The following ARHGAP15 variants were observed in gnomAD, a reference collection of about 807,000 sequenced individuals.
ARHGAP15 encodes rho GTPase-activating protein 15.
Under a neutral mutation model 63.7 loss-of-function variants are expected in ARHGAP15, and 51 were observed. The ratio of observed to expected loss-of-function variants is 0.80; its 90% CI spans 0.64 to 1.01. ARHGAP15 has a LOEUF of 1.01. Ranked by LOEUF, ARHGAP15 falls within the 50% of genes least tolerant of loss-of-function variation. The pLI, the probability that ARHGAP15 is intolerant of heterozygous loss-of-function variation, is 0.00. For synonymous variants in ARHGAP15, 191 were observed against 193.8 expected (o/e 0.99, Z 0.12); for missense variants, 560 against 564.6 (o/e 0.99, Z 0.08).
At chr2:143,671,490 G>T (rs1292208030) in intron 12 of ARHGAP15, among the ~76,000 whole-genome samples, 1 of 152,094 alleles carries the variant, frequency 6.6e-6, no homozygotes, top group East Asian at 1.9e-4. Context: ...CATCTTTATG[G>T]ACATCTTAGA....
At chr2:143,195,067 A>G (rs16858788) in intron 2 of ARHGAP15, among the ~76,000 whole-genome samples, 1 of 152,020 alleles carries the variant, frequency 6.6e-6, no homozygotes, top group Non-Finnish European at 1.5e-5. Flanking sequence ...ACACTTTTTT[A>G]AAAATCTGAT....
At position 143,330,133 on chromosome 2, in the gene ARHGAP15, C is replaced by CAAAA. The variant is rs1558898102; in HGVS notation, c.474+79535_474+79538dup. The stretch of plus-strand genomic sequence containing the variant: ...AAAAAAAAAAAAAAAAAAAAAAAAC[C>CAAAA]AAAAACAAAAAACTAAACTAATGAT... On this transcript the variant is annotated intron_variant, in intron 6 of 13. Transcript: ENST00000295095. 8.5e-3 allele frequency among the ~76,000 whole-genome samples: 319 copies of CAAAA among 37,330 alleles called. 35 individuals carry two copies. The highest frequency in any genetic ancestry group is 0.029 in the Middle Eastern group (1 of 34). 24.5% of individuals were successfully genotyped at this position (37,330 alleles called of 152,430 possible). A position where few individuals can be genotyped will look rare whatever the true frequency, so the allele number is the denominator to read the frequency against.
At chr2:143,497,504 T>G (rs536001328) in intron 9 of ARHGAP15, among the ~76,000 whole-genome samples, 66 of 152,296 alleles carry the variant, frequency 4.3e-4, no homozygotes, top group Admixed American at 9.2e-4. Context: ...CAGCAGGTGT[T>G]CTTGTACCGC....
intron 6 of ARHGAP15, among the ~76,000 whole-genome samples, chr2:143,278,729 G>T (rs1277350821): frequency 1.3e-5 from 2 of 152,002 alleles, no homozygotes; most frequent in Non-Finnish European, 1.5e-5. Context: ...AAAAATACAA[G>T]AAATCTTCTT....
chr2:143,132,689 T>A (rs1055323327), intron 1 of ARHGAP15, among the ~76,000 whole-genome samples: 4 of 151,916 alleles, frequency 2.6e-5, no homozygotes, highest in African/African-American at 9.7e-5. Flanking sequence ...AAAAGAGGGG[T>A]CTCCTGATGT....
intron 2 of ARHGAP15, among the ~76,000 whole-genome samples, chr2:143,176,111 C>A (rs1320361946): frequency 6.6e-6 from 1 of 152,060 alleles, no homozygotes; most frequent in Non-Finnish European, 1.5e-5. Flanking sequence ...TTCAGATCAA[C>A]AATTGGTCAT....
chr2:143,757,248 G>A (rs1348841127), intron 13 of ARHGAP15, among the ~76,000 whole-genome samples: 9 of 152,104 alleles, frequency 5.9e-5, no homozygotes, highest in East Asian at 3.9e-4. Flanking sequence ...AGTGGCTCAC[G>A]CCTGTAATCC....
intron 12 of ARHGAP15, among the ~76,000 whole-genome samples, chr2:143,675,825 A>T (rs1682798033): frequency 6.6e-6 from 1 of 152,204 alleles, no homozygotes; most frequent in African/African-American, 2.4e-5. Flanking sequence ...TTCAACTTAA[A>T]GTCACCAGCT....
intron 9 of ARHGAP15, among the ~76,000 whole-genome samples, chr2:143,505,244 A>G (rs992425480): frequency 6.6e-6 from 1 of 152,170 alleles, no homozygotes; most frequent in East Asian, 1.9e-4. Context: ...TCCAACTGAG[A>G]TACTCCATTC....
At chr2:143,304,167 T>C (rs538095480) in intron 6 of ARHGAP15, among the ~76,000 whole-genome samples, 2 of 152,196 alleles carry the variant, frequency 1.3e-5, no homozygotes, top group African/African-American at 4.8e-5. Context: ...ATGTTTATTG[T>C]GGCATTATTC....
At chr2:143,272,021 T>A (rs995649867) in intron 6 of ARHGAP15, among the ~76,000 whole-genome samples, 1 of 152,246 alleles carries the variant, frequency 6.6e-6, no homozygotes, top group African/African-American at 2.4e-5. Context: ...CCTAGAAGAA[T>A]GAACTATGCC....
intron 11 of ARHGAP15, among the ~76,000 whole-genome samples, chr2:143,589,311 C>T (rs1321610497): frequency 6.6e-6 from 1 of 152,198 alleles, no homozygotes; most frequent in East Asian, 1.9e-4. Context: ...GACTGCATTT[C>T]CTTTCCAAAG....
Position 143,191,951 on chromosome 2 carries a change from T to C in ARHGAP15, c.166-10183T>C, listed in dbSNP as rs145503298. On this transcript the variant is annotated intron_variant, in intron 2 of 13. Transcript: ENST00000295095. ...GGCAGACTTTCTCTTATAAACCGTA[T>C]GTTCTTACATTTCTGATATCTGGAA... is the stretch of plus-strand genomic sequence containing the variant. 3.7e-3 allele frequency among the ~76,000 whole-genome samples: 558 copies of C among 152,334 alleles called. 2 individuals are homozygous for C. Among genetic ancestry groups the C allele is most frequent in the African/African-American group, 0.013 (536 of 41,570 alleles).
At chr2:143,707,818 A>C (rs538412931) in intron 13 of ARHGAP15, among the ~76,000 whole-genome samples, 33 of 152,338 alleles carry the variant, frequency 2.2e-4, no homozygotes, top group African/African-American at 7.0e-4. Flanking sequence ...ACTTGGAGAA[A>C]TGCTGTGTTA....
At chr2:143,753,923 T>G (rs1051384748) in intron 13 of ARHGAP15, among the ~76,000 whole-genome samples, 4 of 152,200 alleles carry the variant, frequency 2.6e-5, no homozygotes, top group Admixed American at 2.0e-4. Flanking sequence ...CGCTTTTTAT[T>G]TTTGCCTTCA....
intron 6 of ARHGAP15, among the ~76,000 whole-genome samples, chr2:143,379,134 A>G (rs1164648525): frequency 6.6e-6 from 1 of 152,024 alleles, no homozygotes; most frequent in African/African-American, 2.4e-5. Flanking sequence ...GAGATGATTA[A>G]TCAATTGTCT....
chr2:143,623,635 A>G (rs1698727224), intron 11 of ARHGAP15, among the ~76,000 whole-genome samples: 1 of 152,222 alleles, frequency 6.6e-6, no homozygotes, highest in Non-Finnish European at 1.5e-5. Context: ...AAAAGGGAAA[A>G]AGTGTTACCC....
At chr2:143,568,126 T>C (rs1696307405) in intron 11 of ARHGAP15, among the ~76,000 whole-genome samples, 1 of 152,120 alleles carries the variant, frequency 6.6e-6, no homozygotes, top group Non-Finnish European at 1.5e-5. Flanking sequence ...ACTTCATGAC[T>C]AAAACACCAA....
At chr2:143,186,897 A>G (rs1691470995) in intron 2 of ARHGAP15, among the ~76,000 whole-genome samples, 1 of 152,230 alleles carries the variant, frequency 6.6e-6, no homozygotes, top group African/African-American at 2.4e-5. Flanking sequence ...TTATTTTTAA[A>G]AAATTAATCC....
Sources: gnomAD v4.1 joint callset for allele counts (sites outside exome capture counted in the v4.1 genomes callset) on GRCh38, gnomAD v4.1.1 for gene constraint, MANE v1.5 for transcripts, NCBI Gene and HGNC (gene_info 2026-07-23, HGNC 2026-07-21) for gene names.